The following KCNA2 variants were observed in gnomAD, a reference collection of about 807,000 sequenced individuals.
The protein encoded by KCNA2 is potassium voltage-gated channel subfamily A member 2.
In KCNA2, 11 loss-of-function variants were observed where a neutral mutation model predicts 33.4. The observed-to-expected ratio is 0.33, with a 90% CI of 0.21 to 0.55. The LOEUF (loss-of-function observed/expected upper bound fraction) is 0.55, where lower values mean the gene tolerates loss of function less well. Ranked by LOEUF, KCNA2 falls within the 20% of genes least tolerant of loss-of-function variation. KCNA2 has a pLI of 0.93. For synonymous variants in KCNA2, 222 were observed against 231.3 expected (o/e 0.96, Z 0.37); for missense variants, 291 against 621.6 (o/e 0.47, Z 5.66).
chr1:110,627,828 C>CA (rs368198999), intron 1 of KCNA2, among the ~76,000 whole-genome samples: 8,475 of 125,066 alleles, frequency 0.068, 246 homozygotes, highest in Non-Finnish European at 0.087. Flanking sequence ...GACCCTGTCT[C>CA]AAAAAAAAAA....
chr1:110,620,978 A>G (rs1650242643), intron 1 of KCNA2, among the ~76,000 whole-genome samples: 1 of 152,212 alleles, frequency 6.6e-6, no homozygotes, highest in Non-Finnish European at 1.5e-5. Context: ...CCCCAAGTAG[A>G]GTCACTTGAC....
chr1:110,601,708 CAT>C lies in KCNA2; in HGVS notation c.*1573_*1574del. 8.8e-7 allele frequency: 1 copy of C among 1,135,804 alleles called. No individual in the cohort carries two copies. Among genetic ancestry groups the C allele is most frequent in the Admixed American group, 4.7e-5 (1 of 21,326 alleles). The allele number at this position is 1,135,804 out of a possible 1,614,324, so 70.4% of individuals were successfully genotyped here. A position where few individuals can be genotyped will look rare whatever the true frequency, so the allele number is the denominator to read the frequency against. ...GGGTTACCAATGAGACAAATTAACC[CAT>C]TAGGCCTCTTAGACAGCCAACCCAC... is the stretch of plus-strand genomic sequence containing the variant. On this transcript the variant is annotated 3_prime_UTR_variant, in exon 3 of 3. Coordinates refer to ENST00000316361, the MANE Select transcript of KCNA2 (RefSeq NM_004974.4).
At chr1:110,612,142 G>A (rs1036463229) in intron 1 of KCNA2, among the ~76,000 whole-genome samples, 2 of 152,186 alleles carry the variant, frequency 1.3e-5, no homozygotes, top group African/African-American at 4.8e-5. Context: ...GTCTTACCAT[G>A]AGGCCCCCTG....
Position 110,595,398 on chromosome 1 carries a change from G to C in KCNA2, c.*7885C>G. 2 of 985,438 alleles carry C rather than the reference G, an allele frequency of 2.0e-6. No individual in the cohort carries two copies. Among genetic ancestry groups the C allele is most frequent in the African/African-American group, 3.5e-5 (2 of 57,340 alleles). The allele number at this position is 985,438 out of a possible 1,614,324, so 61.0% of individuals were successfully genotyped here. A position where few individuals can be genotyped will look rare whatever the true frequency, so the allele number is the denominator to read the frequency against. ...TCAGTGCACCAGCTGGTCATGTCAA[G>C]TCTGGGTTATGGGCTTCTGCTGCCT... On this transcript the variant is annotated 3_prime_UTR_variant, in exon 3 of 3. Transcript: ENST00000316361.
At chr1:110,617,044 G>A (rs1650089853) in intron 1 of KCNA2, among the ~76,000 whole-genome samples, 1 of 152,232 alleles carries the variant, frequency 6.6e-6, no homozygotes, top group Non-Finnish European at 1.5e-5. Flanking sequence ...AAGAGGTGTT[G>A]AAGTGAAGCT....
upstream of KCNA2, among the ~76,000 whole-genome samples, chr1:110,609,837 C>T (rs1422125127): frequency 2.0e-5 from 3 of 152,160 alleles, no homozygotes; most frequent in South Asian, 2.1e-4. Context: ...GAACACAGGC[C>T]GTATTCCCGG....
At chr1:110,620,533 G>A (rs1186739327) in intron 1 of KCNA2, among the ~76,000 whole-genome samples, 7 of 152,210 alleles carry the variant, frequency 4.6e-5, no homozygotes, top group African/African-American at 1.7e-4. Flanking sequence ...GAAGGCCAGA[G>A]AGGAGGGCTG....
At chr1:110,616,504 A>G (rs1650071758) in intron 1 of KCNA2, among the ~76,000 whole-genome samples, 1 of 152,234 alleles carries the variant, frequency 6.6e-6, no homozygotes, top group Non-Finnish European at 1.5e-5. Context: ...TTTAAGAAAC[A>G]TGGGACCCCA....
upstream of KCNA2, among the ~76,000 whole-genome samples, chr1:110,608,346 A>G (rs1405779453): frequency 6.6e-6 from 1 of 152,198 alleles, no homozygotes. Flanking sequence ...TCACCTAGAC[A>G]GGTGTGCCAA....
chr1:110,613,044 G>T (rs1649931046), intron 1 of KCNA2, among the ~76,000 whole-genome samples: 1 of 152,210 alleles, frequency 6.6e-6, no homozygotes, highest in Non-Finnish European at 1.5e-5. Flanking sequence ...GAGATAGTGG[G>T]CACAAGGTAT....
At chr1:110,606,554 C>T (rs1165988329), upstream of KCNA2, 1 of 152,340 alleles carries the variant, frequency 6.6e-6, no homozygotes, top group East Asian at 1.9e-4. Flanking sequence ...CGCCTCCGCG[C>T]AGAGGACCAG....
At chr1:110,606,382 G>A (rs1649608446), upstream of KCNA2, 2 of 152,206 alleles carry the variant, frequency 1.3e-5, no homozygotes, top group Non-Finnish European at 2.9e-5. Flanking sequence ...GCCTAGCTGC[G>A]AGGCGGCTTG....
At chr1:110,612,078 A>G (rs1649892159) in intron 1 of KCNA2, among the ~76,000 whole-genome samples, 2 of 152,186 alleles carry the variant, frequency 1.3e-5, no homozygotes, top group South Asian at 4.1e-4. Context: ...TAATGAGGGT[A>G]GTCCCTCCCT....
At chr1:110,607,573 A>G (rs75308045), upstream of KCNA2, 37,084 of 152,090 alleles carry the variant, frequency 0.24, 4,560 homozygotes, top group Middle Eastern at 0.3. Flanking sequence ...CGAGGAAAAC[A>G]TTCTTTGGCA....
intron 1 of KCNA2, among the ~76,000 whole-genome samples, chr1:110,628,038 T>C (rs554663982): frequency 6.6e-6 from 1 of 152,326 alleles, no homozygotes; most frequent in African/African-American, 2.4e-5. Context: ...TTCACTAAGA[T>C]ATGGATGATT....
chr1:110,603,484 T>A lies in KCNA2; in HGVS notation c.1299A>T (p.Thr433=), dbSNP rs80034565. Residue 433 remains threonine (T), a synonymous_variant, in exon 3 of 3, where the codon ACA becomes ACT. Transcript: ENST00000316361. This position sits in a 1 kb window ranked among gnomAD's most constrained non-coding sequence, Gnocchi z 5.7. ...GEEQAQYLQV[T]SCPKIPSSPD... is the part of the protein sequence containing the mutation. ...GGGAGGATGGGATCTTTGGACAGCT[T>A]GTCACTTGCAAGTATTGGGCCTGTT... 2.2e-4 allele frequency: 360 copies of A among 1,614,048 alleles called. 1 individual carries two copies. The African/African-American group carries it at 4.2e-3, about 19-fold the overall frequency.
At chr1:110,610,575 A>G (rs1398831574), upstream of KCNA2, among the ~76,000 whole-genome samples, 8 of 152,232 alleles carry the variant, frequency 5.3e-5, no homozygotes. Context: ...GAGAGGACCA[A>G]GGTAATTTAG....
chr1:110,621,977 G>T (rs888737243), intron 1 of KCNA2, among the ~76,000 whole-genome samples: 3 of 152,092 alleles, frequency 2.0e-5, no homozygotes, highest in African/African-American at 7.2e-5. Context: ...AAATGGAAAA[G>T]ATAATACTTT....
intron 1 of KCNA2, among the ~76,000 whole-genome samples, chr1:110,628,460 T>G (rs1650459540): frequency 6.6e-6 from 1 of 152,200 alleles, no homozygotes; most frequent in Non-Finnish European, 1.5e-5. Flanking sequence ...TGGTTTCCAC[T>G]TGGTGACAGT....
Sources: gnomAD v4.1 joint callset for allele counts (sites outside exome capture counted in the v4.1 genomes callset) on GRCh38, gnomAD v4.1.1 for gene constraint, Gnocchi (gnomAD v3.1) non-coding constraint, MANE v1.5 for transcripts, NCBI Gene and HGNC (gene_info 2026-07-23, HGNC 2026-07-21) for gene names.